POM121C: variants seen among roughly 807,000 people sequenced by gnomAD.
POM121C encodes nuclear envelope pore membrane protein POM 121C.
POM121C carries 20 observed loss-of-function variants against 66.4 expected under a neutral mutation model. The observed-to-expected ratio is 0.30, with a 90% CI of 0.21 to 0.44. POM121C has a LOEUF of 0.44. POM121C is among the 20% of genes least tolerant of loss of function. The pLI, the probability that POM121C is intolerant of heterozygous loss-of-function variation, is 1.00. For synonymous variants in POM121C, 286 were observed against 528.0 expected (o/e 0.54, Z 6.28); for missense variants, 580 against 1,225.7 (o/e 0.47, Z 7.87).
chr7:75,419,505 G>A lies in POM121C; in HGVS notation c.2744-63C>T, dbSNP rs1303542097. On this transcript the variant is annotated intron_variant, in intron 13 of 14. Coordinates refer to ENST00000615331, the MANE Select transcript of POM121C (RefSeq NM_001099415.3). Reference sequence around the variant, plus strand: ...AGGGCGGAGGCAGGCGAGGAGCCGGGCAGGAGCCTGTGCTCTGCAGGGCAC... The same window carrying A: ...AGGGCGGAGGCAGGCGAGGAGCCGGACAGGAGCCTGTGCTCTGCAGGGCAC... 2.8e-5 allele frequency: 45 copies of A among 1,587,520 alleles called. 1 individual carries two copies. The highest frequency in any genetic ancestry group is 3.5e-5 in the Non-Finnish European group (41 of 1,169,174).
At position 75,422,491 on chromosome 7, in the gene POM121C, G is replaced by C; in HGVS notation, c.1761C>G (p.Thr587=). The C allele has an allele frequency of 6.4e-7, 1 of 1,571,358 alleles. No individual in the cohort carries two copies. Among genetic ancestry groups the C allele is most frequent in the Non-Finnish European group, 8.7e-7 (1 of 1,147,418 alleles). Residue 587 remains threonine (T), a synonymous_variant, in exon 13 of 15, where the codon ACC becomes ACG. Transcript: ENST00000615331. ...GCTGTGAGGCGGCAGTGGCGGTGCT[G>C]GTCGTGGTACTCACACTGCTGCTGC... ...SVSSSSVSTT[T]STATAASQPF...
chr7:75,438,699 G>A (rs1790513852), intron 6 of POM121C, among the ~76,000 whole-genome samples: 1 of 152,140 alleles, frequency 6.6e-6, no homozygotes, highest in Non-Finnish European at 1.5e-5. Flanking sequence ...TTTCCTGGTG[G>A]CCACATCACA....
At chr7:75,468,244 A>C (rs1791746531) in intron 3 of POM121C, among the ~76,000 whole-genome samples, 1 of 150,076 alleles carries the variant, frequency 6.7e-6, no homozygotes, top group Non-Finnish European at 1.5e-5. Context: ...GACAAACTAT[A>C]CAACGCCTTC....
rs1460580558 is a variant in POM121C, at chr7:75,424,032, G to A, written c.1048+17C>T. 6 of 1,609,936 alleles carry A rather than the reference G, an allele frequency of 3.7e-6. No individual in the cohort carries two copies. The East Asian group carries it at 1.1e-4, about 30-fold the overall frequency. ...TGCTGCTCAGAAGGCTGGATCCACG[G>A]CCCCACTCCAGCTCACCTGGGCAGG... On this transcript the variant is annotated intron_variant, in intron 12 of 14. Transcript: ENST00000615331.
chr7:75,431,195 A>T (rs1790162783), intron 7 of POM121C, among the ~76,000 whole-genome samples: 1 of 152,194 alleles, frequency 6.6e-6, no homozygotes, highest in Admixed American at 6.5e-5. Flanking sequence ...ATGCAAATTA[A>T]AACCACAATG....
intron 3 of POM121C, among the ~76,000 whole-genome samples, chr7:75,443,071 C>CA (rs1395659955): frequency 1.3e-5 from 2 of 152,192 alleles, no homozygotes; most frequent in African/African-American, 4.8e-5. Context: ...CCCTCCAGCA[C>CA]AGCCTGTTAC....
In POM121C at chr7:75,417,018, T is replaced by A. The variant is rs1437399283; in HGVS notation, c.*1778A>T. Reference sequence around the variant, plus strand: ...AACTGAGGTAAACAAGCTCAGGTACTGACACTAGGAGGGTCTACCTTACAT... The same window carrying A: ...AACTGAGGTAAACAAGCTCAGGTACAGACACTAGGAGGGTCTACCTTACAT... On this transcript the variant is annotated 3_prime_UTR_variant, in exon 15 of 15. Transcript: ENST00000615331. 7 of 1,262,464 alleles carry A rather than the reference T, an allele frequency of 5.5e-6. No homozygotes were observed. In the East Asian group the frequency reaches 2.2e-4, roughly 40 times the overall value. The allele number at this position is 1,262,464 out of a possible 1,614,324, so 78.2% of individuals were successfully genotyped here.
chr7:75,485,661 C>T (rs1172871553), intron 1 of POM121C, among the ~76,000 whole-genome samples: 1 of 152,102 alleles, frequency 6.6e-6, no homozygotes, highest in Non-Finnish European at 1.5e-5. Context: ...GTGGTGACAC[C>T]CTCCACGCCT....
At chr7:75,421,352 G>C (rs1275337432) in intron 13 of POM121C, 157 bp downstream of exon 13, 10 of 1,476,096 alleles carry the variant, frequency 6.8e-6, no homozygotes, top group Non-Finnish European at 9.0e-6. Flanking sequence ...TCATTACTAC[G>C]TTAGCAAAAC....
At chr7:75,477,143 C>T (rs587618467) in intron 1 of POM121C, among the ~76,000 whole-genome samples, 16 of 81,580 alleles carry the variant, frequency 2.0e-4, no homozygotes, top group African/African-American at 5.9e-4. Flanking sequence ...ACTCTTATGC[C>T]TCAGTCTTCT....
At chr7:75,467,921 G>C (rs1268376469) in intron 3 of POM121C, among the ~76,000 whole-genome samples, 5 of 151,922 alleles carry the variant, frequency 3.3e-5, no homozygotes, top group Admixed American at 2.6e-4. Context: ...CCTGGGGTCA[G>C]GAGTTTGAGA....
At chr7:75,431,713 G>A (rs587670040) in intron 7 of POM121C, among the ~76,000 whole-genome samples, 3 of 151,986 alleles carry the variant, frequency 2.0e-5, no homozygotes, top group Non-Finnish European at 4.4e-5. Context: ...CATTTTGGAA[G>A]GCTAAAGTGG....
chr7:75,474,116 G>A (rs1242988964), intron 3 of POM121C, among the ~76,000 whole-genome samples: 42 of 152,142 alleles, frequency 2.8e-4, no homozygotes, highest in Non-Finnish European at 5.1e-4. Context: ...CTGTAAGGCC[G>A]GGAGCAGTGG....
At chr7:75,475,636 C>T (rs1461635906) in intron 1 of POM121C, among the ~76,000 whole-genome samples, 1 of 151,556 alleles carries the variant, frequency 6.6e-6, no homozygotes, top group Non-Finnish European at 1.5e-5. Flanking sequence ...TGCTCTGGGG[C>T]TCTCACCTAG....
At chr7:75,485,512 G>C (rs189187100) in intron 1 of POM121C, among the ~76,000 whole-genome samples, 6 of 152,280 alleles carry the variant, frequency 3.9e-5, no homozygotes, top group East Asian at 1.9e-4. Flanking sequence ...AGGTCTAAGG[G>C]GGGGGATCAG....
intron 1 of POM121C, among the ~76,000 whole-genome samples, chr7:75,481,074 T>G (rs77173700): frequency 6.7e-6 from 1 of 148,328 alleles, no homozygotes; most frequent in Non-Finnish European, 1.5e-5. Flanking sequence ...CATACGTATA[T>G]AGGCATATAA....
intron 1 of POM121C, among the ~76,000 whole-genome samples, chr7:75,479,746 G>GA (rs1218487609): frequency 6.6e-6 from 1 of 151,952 alleles, no homozygotes; most frequent in African/African-American, 2.4e-5. Context: ...CAAGAGGAGA[G>GA]AAATGGAAGT....
At chr7:75,481,246 C>T (rs1380618922) in intron 1 of POM121C, among the ~76,000 whole-genome samples, 1 of 150,572 alleles carries the variant, frequency 6.6e-6, no homozygotes, top group Non-Finnish European at 1.5e-5. Flanking sequence ...TATATATTTG[C>T]TATCAAACAT....
intron 13 of POM121C, 129 bp from the exon 14 acceptor site, chr7:75,419,571 C>T (rs1789611074): frequency 9.2e-7 from 1 of 1,086,980 alleles, no homozygotes; most frequent in Non-Finnish European, 1.3e-6. Flanking sequence ...TTCTGGGGCA[C>T]TCCTCCATCA....
Sources: gnomAD v4.1 joint callset for allele counts (sites outside exome capture counted in the v4.1 genomes callset) on GRCh38, gnomAD v4.1.1 for gene constraint, MANE v1.5 for transcripts, NCBI Gene and HGNC (gene_info 2026-07-23, HGNC 2026-07-21) for gene names.